Variants in ARHGAP24 observed in about 807,000 individuals in gnomAD.
The protein encoded by ARHGAP24 is rho GTPase-activating protein 24.
ARHGAP24 carries 50 observed loss-of-function variants against 76.4 expected under a neutral mutation model. The ratio of observed to expected loss-of-function variants is 0.65; its 90% CI spans 0.52 to 0.83. The LOEUF is 0.83. Among genes scored for constraint, ARHGAP24 ranks in the 40% least tolerant of loss-of-function variants. The probability of loss-of-function intolerance (pLI) is 0.00; values close to 1 mark genes in which losing one functional copy is unlikely to be tolerated. For missense variants in ARHGAP24, 930 were observed against 914.2 expected, an observed-to-expected ratio of 1.02 and a Z score of -0.22; for synonymous variants, 345 against 323.3, an observed-to-expected ratio of 1.07 and a Z score of -0.72.
Position 85,612,483 on chromosome 4 carries a change from G to A in ARHGAP24, c.180+41762G>A, listed in dbSNP as rs112622172. Among the ~76,000 whole-genome samples, 1,282 of 143,256 alleles carry A rather than the reference G, an allele frequency of 8.9e-3. 16 individuals are homozygous for A. The highest frequency in any genetic ancestry group is 0.03 in the African/African-American group (1,211 of 40,796). 94.0% of individuals were successfully genotyped at this position (143,256 alleles called of 152,430 possible). ...AATGTATAGCAAAAGCATCCAAGTA[G>A]CAAAATGCGTAATTTCATATTTAAA... On this transcript the variant is annotated intron_variant, in intron 2 of 9. Transcript: ENST00000395184.
intron 2 of ARHGAP24, among the ~76,000 whole-genome samples, chr4:85,656,393 T>C (rs1375246772): frequency 6.9e-6 from 1 of 144,314 alleles, no homozygotes; most frequent in Non-Finnish European, 1.5e-5. Context: ...GATAAAGTAA[T>C]ATAATTTTAA....
intron 3 of ARHGAP24, among the ~76,000 whole-genome samples, chr4:85,752,084 A>G (rs1290617838): frequency 6.6e-6 from 1 of 152,132 alleles, no homozygotes; most frequent in Non-Finnish European, 1.5e-5. Flanking sequence ...CCATACAAGC[A>G]TTAACATGCA....
chr4:85,535,934 AT>A (rs1046810965), intron 1 of ARHGAP24, among the ~76,000 whole-genome samples: 1 of 152,116 alleles, frequency 6.6e-6, no homozygotes, highest in African/African-American at 2.4e-5. Context: ...TGAGGGCTCC[AT>A]TTTAGTATCC....
intron 2 of ARHGAP24, among the ~76,000 whole-genome samples, chr4:85,682,937 A>G (rs1723262415): frequency 6.6e-6 from 1 of 152,118 alleles, no homozygotes; most frequent in South Asian, 2.1e-4. Flanking sequence ...TTGCTCATGA[A>G]TCTCCCATAC....
intron 2 of ARHGAP24, among the ~76,000 whole-genome samples, chr4:85,668,277 G>T (rs1722710040): frequency 6.6e-6 from 1 of 152,168 alleles, no homozygotes; most frequent in African/African-American, 2.4e-5. Context: ...TCAGGTTAAA[G>T]ACCATTAAAG....
intron 3 of ARHGAP24, among the ~76,000 whole-genome samples, chr4:85,784,296 C>T (rs1351636013): frequency 7.1e-6 from 1 of 141,218 alleles, no homozygotes; most frequent in African/African-American, 2.7e-5. Context: ...TGCCCCTCTC[C>T]TAGGCTTTTT....
chr4:85,834,318 T>C (rs4693744), intron 3 of ARHGAP24, among the ~76,000 whole-genome samples: 14,099 of 152,208 alleles, frequency 0.093, 1,022 homozygotes, highest in East Asian at 0.29. Context: ...TCCTTTTTTA[T>C]GTTAAATAAA....
intron 1 of ARHGAP24, among the ~76,000 whole-genome samples, chr4:85,482,430 G>C (rs1035401907): frequency 6.6e-6 from 1 of 152,126 alleles, no homozygotes; most frequent in Admixed American, 6.5e-5. Flanking sequence ...TTCCAAGGAG[G>C]AGCTGGGGTC....
chr4:85,696,660 GT>G (rs1723876921), intron 2 of ARHGAP24, among the ~76,000 whole-genome samples: 1 of 152,152 alleles, frequency 6.6e-6, no homozygotes, highest in African/African-American at 2.4e-5. Context: ...TGGCAATTTA[GT>G]TTGCTGAAGT....
Position 86,000,885 on chromosome 4 carries a change from C to A in ARHGAP24, c.*163C>A. On this transcript the variant is annotated 3_prime_UTR_variant, in exon 10 of 10. Coordinates refer to ENST00000395184, the MANE Select transcript of ARHGAP24 (RefSeq NM_001025616.3). The stretch of plus-strand genomic sequence containing the variant: ...AAACATCCATATCTGCAATGTGTAC[C>A]AAAGTTATATCATGCCCCATAATGC... 9.8e-7 allele frequency: 1 copy of A among 1,022,594 alleles called. No individual in the cohort carries two copies. The highest frequency in any genetic ancestry group is 1.4e-6 in the Non-Finnish European group (1 of 700,606). The allele number at this position is 1,022,594 out of a possible 1,614,324, so 63.3% of individuals were successfully genotyped here. A position where few individuals can be genotyped will look rare whatever the true frequency, so the allele number is the denominator to read the frequency against.
chr4:86,002,099 A>G lies in ARHGAP24; in HGVS notation c.*1377A>G, dbSNP rs1049126585. The G allele has an allele frequency of 2.0e-5, 3 of 152,190 alleles. No individual in the cohort carries two copies. Among genetic ancestry groups the G allele is most frequent in the Non-Finnish European group, 4.4e-5 (3 of 68,032 alleles). The allele number at this position is 152,190 out of a possible 1,614,324, so 9.4% of individuals were successfully genotyped here. ...AATGGTTTTGAGAGGCCAGGCAAAT[A>G]ATCTTTCTCACCGTAGAACAAAAAG... On this transcript the variant is annotated 3_prime_UTR_variant, in exon 10 of 10. Transcript: ENST00000395184.
At chr4:85,832,508 C>T (rs937703494) in intron 3 of ARHGAP24, among the ~76,000 whole-genome samples, 2 of 152,190 alleles carry the variant, frequency 1.3e-5, no homozygotes, top group East Asian at 3.9e-4. Context: ...ATGATTAATG[C>T]AGATTAACAC....
intron 3 of ARHGAP24, among the ~76,000 whole-genome samples, chr4:85,910,167 G>A (rs115715404): frequency 2.9e-3 from 437 of 152,324 alleles, no homozygotes; most frequent in African/African-American, 0.01. Context: ...GGCTGGCACC[G>A]GGGAACGCAG....
chr4:85,969,625 C>A (rs1738841827), intron 5 of ARHGAP24, among the ~76,000 whole-genome samples: 1 of 152,128 alleles, frequency 6.6e-6, no homozygotes, highest in South Asian at 2.1e-4. Flanking sequence ...GACTGCTATG[C>A]ATATCCTTCC....
At chr4:85,843,654 A>C (rs949682876) in intron 3 of ARHGAP24, among the ~76,000 whole-genome samples, 1 of 152,072 alleles carries the variant, frequency 6.6e-6, no homozygotes, top group Non-Finnish European at 1.5e-5. Context: ...TACAGGGAAA[A>C]ATTTCTTTAA....
chr4:85,627,976 AC>A (rs1214137699), intron 2 of ARHGAP24, among the ~76,000 whole-genome samples: 3 of 152,024 alleles, frequency 2.0e-5, no homozygotes, highest in Non-Finnish European at 2.9e-5. Flanking sequence ...GCCGTCTATC[AC>A]CCCTGTCTTT....
chr4:85,932,575 C>T (rs1456833096), intron 4 of ARHGAP24, among the ~76,000 whole-genome samples: 1 of 152,116 alleles, frequency 6.6e-6, no homozygotes, highest in Non-Finnish European at 1.5e-5. Flanking sequence ...AAGAACATTC[C>T]CATGGACTGG....
intron 3 of ARHGAP24, among the ~76,000 whole-genome samples, chr4:85,733,650 T>C (rs1187033700): frequency 3.3e-5 from 5 of 152,088 alleles, no homozygotes; most frequent in African/African-American, 1.2e-4. Context: ...AAGTTCAAGA[T>C]CAAGGTGTCA....
chr4:85,735,074 TTTCAGGAACCGTAATCTA>T, intron 3 of ARHGAP24, among the ~76,000 whole-genome samples: 1 of 152,266 alleles, frequency 6.6e-6, no homozygotes, highest in South Asian at 2.1e-4. Context: ...ACTCCCACCT[TTTCAGGAACCGTAATCTA>T]TTGATTGTAC....
Sources: gnomAD v4.1 joint callset for allele counts (sites outside exome capture counted in the v4.1 genomes callset) on GRCh38, gnomAD v4.1.1 for gene constraint, MANE v1.5 for transcripts, NCBI Gene and HGNC (gene_info 2026-07-23, HGNC 2026-07-21) for gene names.